Variants in ACTR3C observed in about 807,000 individuals in gnomAD.
The protein encoded by ACTR3C is actin related protein 3C, also known as actin-related protein 3C.
A neutral mutation model predicts 26.3 loss-of-function variants in ACTR3C; 18 were observed. That is an observed-to-expected ratio of 0.68 (90% CI 0.47 to 1.01). The LOEUF (loss-of-function observed/expected upper bound fraction) is 1.01. Among genes scored for constraint, ACTR3C ranks in the 50% least tolerant of loss-of-function variants. The probability of loss-of-function intolerance (pLI) is 0.00; values close to 1 mark genes in which losing one functional copy is unlikely to be tolerated. For synonymous variants in ACTR3C, 55 were observed against 94.5 expected (o/e 0.58, Z 2.42); for missense variants, 184 against 250.7 (o/e 0.73, Z 1.80).
At chr7:150,123,485 A>ACTATATATATAC in the ACTR3C span, among the ~76,000 whole-genome samples, 1 of 152,090 alleles carries the variant, frequency 6.6e-6, no homozygotes, top group Non-Finnish European at 1.5e-5. Context: ...GCTAGGTAGC[A>ACTATATATATAC]ACTTCCCAGC....
At chr7:150,156,538 T>C in the ACTR3C span, among the ~76,000 whole-genome samples, 250 of 150,484 alleles carry the variant, frequency 1.7e-3, 1 homozygote, top group African/African-American at 5.9e-3. Flanking sequence ...CTGGTGCTTA[T>C]TGAGAGAGAG....
the ACTR3C span, chr7:150,040,695 C>T: frequency 6.8e-6 from 1 of 146,468 alleles, no homozygotes. Flanking sequence ...TCTTGAACAC[C>T]TCATACCCAC....
Position 150,249,636 on chromosome 7 carries a change from G to C in ACTR3C, c.565-582C>G, listed in dbSNP as rs186383984. Among the ~76,000 whole-genome samples the C allele has an allele frequency of 3.0e-4, 45 of 152,186 alleles. 1 individual carries two copies. In the East Asian group the frequency reaches 8.5e-3, roughly 29 times the overall value. On this transcript the variant is annotated intron_variant, in intron 6 of 7. Transcript: ENST00000683684. The stretch of plus-strand genomic sequence containing the variant: ...ACCCAGCTAATTTTCTGTGTTTTTA[G>C]TAGAGATGGGGTTTCGCCATGTTGG...
At chr7:150,255,849 A>G (rs936703150) in intron 6 of ACTR3C, among the ~76,000 whole-genome samples, 27 of 152,218 alleles carry the variant, frequency 1.8e-4, no homozygotes, top group African/African-American at 6.5e-4. Flanking sequence ...AAGCTTGTAT[A>G]TCTTGGGCTA....
At chr7:150,159,857 G>A in the ACTR3C span, among the ~76,000 whole-genome samples, 1 of 151,890 alleles carries the variant, frequency 6.6e-6, no homozygotes, top group South Asian at 2.1e-4. Flanking sequence ...CACAGATCTC[G>A]GCTGTGGCGC....
intron 1 of ACTR3C, among the ~76,000 whole-genome samples, chr7:150,321,288 T>C (rs931109025): frequency 1.5e-4 from 23 of 152,262 alleles, no homozygotes; most frequent in Non-Finnish European, 1.5e-5. Context: ...GCAGCTGTTC[T>C]TGAATAAAGT....
At chr7:150,019,937 T>A in the ACTR3C span, among the ~76,000 whole-genome samples, 13 of 152,212 alleles carry the variant, frequency 8.5e-5, no homozygotes, top group African/African-American at 2.7e-4. Flanking sequence ...GTCCAGGGAT[T>A]CAGGACAAGC....
At chr7:150,317,456 T>G (rs1417633303) in intron 1 of ACTR3C, among the ~76,000 whole-genome samples, 5 of 152,240 alleles carry the variant, frequency 3.3e-5, no homozygotes, top group African/African-American at 1.2e-4. Flanking sequence ...TTTTATTAGC[T>G]GTAGTAAATT....
chr7:149,940,656 A>G, the ACTR3C span, among the ~76,000 whole-genome samples: 1 of 150,382 alleles, frequency 6.6e-6, no homozygotes, highest in African/African-American at 2.4e-5. Flanking sequence ...CCAGTCTCAC[A>G]GCATCCTGCC....
the ACTR3C span, among the ~76,000 whole-genome samples, chr7:150,202,290 T>C: frequency 6.6e-6 from 1 of 152,182 alleles, no homozygotes; most frequent in African/African-American, 2.4e-5. Context: ...CTAAAATGTG[T>C]GAGCCAGGAA....
chr7:150,265,676 T>C (rs1459284094), intron 6 of ACTR3C, among the ~76,000 whole-genome samples: 8 of 152,104 alleles, frequency 5.3e-5, no homozygotes, highest in Admixed American at 4.6e-4. Flanking sequence ...CCTGGGCAAC[T>C]CCATCTCAAA....
the ACTR3C span, among the ~76,000 whole-genome samples, chr7:150,039,368 C>G: frequency 1.3e-4 from 13 of 98,906 alleles, no homozygotes; most frequent in Admixed American, 4.7e-4. Context: ...CCTCCCCCTC[C>G]TGCGATGGGG....
chr7:150,302,823 T>C (rs1795531507), intron 1 of ACTR3C: 1 of 152,034 alleles, frequency 6.6e-6, no homozygotes, highest in African/African-American at 2.4e-5. Flanking sequence ...TAATGTATTT[T>C]ATCCACAGAC....
rs2531060 is a variant in ACTR3C, at chr7:150,288,312, T to G, written c.297+1138A>C. ...GCATGAGGGTCAGGAAAGCCCCTCCTTGGCAGTGTTGCTCAGCAATCCTGG... is the reference window on the plus strand; with the variant it reads ...GCATGAGGGTCAGGAAAGCCCCTCCGTGGCAGTGTTGCTCAGCAATCCTGG... On this transcript the variant is annotated intron_variant, in intron 4 of 7. Transcript: ENST00000683684. Among the ~76,000 whole-genome samples the G allele has an allele frequency of 2.7e-5, 4 of 150,426 alleles. No individual in the cohort carries two copies. The South Asian group carries it at 6.5e-4, about 24-fold the overall frequency.
the ACTR3C span, among the ~76,000 whole-genome samples, chr7:150,117,806 A>T: frequency 7.0e-4 from 106 of 152,326 alleles, no homozygotes; most frequent in Non-Finnish European, 1.2e-3. Context: ...CTCCCAGCAG[A>T]GGTCGATAGA....
chr7:150,158,916 C>T, the ACTR3C span, among the ~76,000 whole-genome samples: 4 of 147,856 alleles, frequency 2.7e-5, no homozygotes, highest in African/African-American at 1.0e-4. Context: ...CGCACACACA[C>T]GTGCACACAC....
At chr7:150,222,450 C>T in the ACTR3C span, among the ~76,000 whole-genome samples, 4 of 152,268 alleles carry the variant, frequency 2.6e-5, no homozygotes, top group South Asian at 6.2e-4. Flanking sequence ...GTTCATCAGC[C>T]GTTACTACCA....
chr7:150,050,632 C>T, the ACTR3C span, among the ~76,000 whole-genome samples: 1 of 151,962 alleles, frequency 6.6e-6, no homozygotes, highest in Non-Finnish European at 1.5e-5. Flanking sequence ...AAAGAGCGAG[C>T]GTCTGAAAGA....
the ACTR3C span, chr7:150,074,385 C>T: frequency 6.6e-6 from 1 of 152,104 alleles, no homozygotes; most frequent in Non-Finnish European, 1.5e-5. Flanking sequence ...CAGGTGAAAG[C>T]TTCCAGGTGT....
Sources: gnomAD v4.1 joint callset for allele counts (sites outside exome capture counted in the v4.1 genomes callset) on GRCh38, gnomAD v4.1.1 for gene constraint, MANE v1.5 for transcripts, NCBI Gene and HGNC (gene_info 2026-07-23, HGNC 2026-07-21) for gene names.